The following TRAF3IP1 variants were observed in gnomAD, a reference collection of about 807,000 sequenced individuals.
TRAF3IP1 encodes the protein TRAF3-interacting protein 1.
Under a neutral mutation model 89.9 loss-of-function variants are expected in TRAF3IP1, and 53 were observed. The ratio of observed to expected loss-of-function variants is 0.59; its 90% CI spans 0.47 to 0.74. The LOEUF (loss-of-function observed/expected upper bound fraction) is 0.74, where lower values mean the gene tolerates loss of function less well. TRAF3IP1 is among the 30% of genes least tolerant of loss of function. TRAF3IP1 has a pLI of 0.00. For missense variants in TRAF3IP1, 806 were observed against 866.1 expected, an observed-to-expected ratio of 0.93 and a Z score of 0.87; for synonymous variants, 311 against 322.1, an observed-to-expected ratio of 0.97 and a Z score of 0.37.
intron 15 of TRAF3IP1, among the ~76,000 whole-genome samples, chr2:238,387,172 C>T (rs1700807351): frequency 4.6e-5 from 7 of 152,196 alleles, no homozygotes. Flanking sequence ...GTAGGAGCTA[C>T]CCCAGATCTG....
At chr2:238,366,658 T>C (rs1242117570) in intron 15 of TRAF3IP1, among the ~76,000 whole-genome samples, 1 of 152,158 alleles carries the variant, frequency 6.6e-6, no homozygotes, top group East Asian at 1.9e-4. Flanking sequence ...TTTTAGTCAG[T>C]TGTGGCCTGA....
At chr2:238,350,497 C>T (rs940145140) in intron 12 of TRAF3IP1, among the ~76,000 whole-genome samples, 2 of 151,980 alleles carry the variant, frequency 1.3e-5, no homozygotes, top group Admixed American at 6.6e-5. Flanking sequence ...TGGGTGAAGT[C>T]GCTGTGCACG....
Position 238,400,839 on chromosome 2 carries a change from C to G in TRAF3IP1, c.*1920C>G, listed in dbSNP as rs1553622586. On this transcript the variant is annotated 3_prime_UTR_variant, in exon 17 of 17. Transcript: ENST00000373327. The stretch of plus-strand genomic sequence containing the variant: ...TATGAAGTAGTCTGTCAAATTGTAT[C>G]ATAAAGTTTATTTTTCTTTTATACG... 1 of 152,140 alleles carries G rather than the reference C, an allele frequency of 6.6e-6. No individual in the cohort carries two copies. The highest frequency in any genetic ancestry group is 1.5e-5 in the Non-Finnish European group (1 of 68,014). The allele number at this position is 152,140 out of a possible 1,614,324, so 9.4% of individuals were successfully genotyped here.
At chr2:238,350,948 G>A (rs148164480) in intron 12 of TRAF3IP1, among the ~76,000 whole-genome samples, 1 of 152,258 alleles carries the variant, frequency 6.6e-6, no homozygotes, top group Non-Finnish European at 1.5e-5. Flanking sequence ...TGGGATTTAT[G>A]CCAGTGAGTG....
chr2:238,370,997 A>ATAGT (rs1700088141), intron 15 of TRAF3IP1, among the ~76,000 whole-genome samples: 1 of 152,212 alleles, frequency 6.6e-6, no homozygotes, highest in South Asian at 2.1e-4. Context: ...GGGAGCGGGC[A>ATAGT]TAGTTCTCTT....
chr2:238,332,856 A>G lies in TRAF3IP1; in HGVS notation c.948A>G (p.Leu316=), dbSNP rs2106369600. 1 of 1,613,252 alleles carries G rather than the reference A, an allele frequency of 6.2e-7. No homozygotes were observed. ...GCTCAGGGGAGATGTCTAAAAAGTT[A>G]TCAGATGGAACTTTTAAAGACTCCA... ...SASSGEMSKK[L]SDGTFKDSKA... is the part of the protein sequence containing the mutation. The change falls in exon 6 of 17, where the codon TTA becomes TTG. Residue 316 remains leucine, a synonymous_variant. Coordinates refer to ENST00000373327, the MANE Select transcript of TRAF3IP1 (RefSeq NM_015650.4).
At chr2:238,356,732 G>A (rs1699426919) in intron 15 of TRAF3IP1, among the ~76,000 whole-genome samples, 1 of 152,072 alleles carries the variant, frequency 6.6e-6, no homozygotes. Context: ...CAGACTGGGA[G>A]GCTGGCTGCC....
At position 238,345,643 on chromosome 2, in the gene TRAF3IP1, G is replaced by T. The variant is rs908897941; in HGVS notation, c.1261+1045G>T. ...AAGATTGTGCAGAGAAGAGAGAGAGGCCTGGACTGTGGAGGCGCCCTGGGA... is the reference window on the plus strand; with the variant it reads ...AAGATTGTGCAGAGAAGAGAGAGAGTCCTGGACTGTGGAGGCGCCCTGGGA... On this transcript the variant is annotated intron_variant, in intron 9 of 16. Coordinates refer to ENST00000373327, the MANE Select transcript of TRAF3IP1 (RefSeq NM_015650.4). This position sits in a 1 kb window ranked among gnomAD's most constrained non-coding sequence, Gnocchi z 4.7. Among the ~76,000 whole-genome samples, 1 of 151,358 alleles carries T rather than the reference G, an allele frequency of 6.6e-6. No homozygotes were observed. Among genetic ancestry groups the T allele is most frequent in the African/African-American group, 2.4e-5 (1 of 41,286 alleles).
At chr2:238,336,547 C>CT (rs1444961107) in intron 7 of TRAF3IP1, among the ~76,000 whole-genome samples, 2 of 152,090 alleles carry the variant, frequency 1.3e-5, no homozygotes, top group African/African-American at 4.8e-5. Context: ...TATTTAGACT[C>CT]TTAAAGTCAT....
chr2:238,359,827 A>T (rs914677661), intron 15 of TRAF3IP1, among the ~76,000 whole-genome samples: 1 of 152,168 alleles, frequency 6.6e-6, no homozygotes, highest in African/African-American at 2.4e-5. Flanking sequence ...TGTATATACC[A>T]TGTTTTTTCA....
Position 238,328,766 on chromosome 2 carries a change from A to T in TRAF3IP1, c.435A>T (p.Arg145Ser), listed in dbSNP as rs774290330. 6 of 1,614,068 alleles carry T rather than the reference A, an allele frequency of 3.7e-6. No homozygotes were observed. Among genetic ancestry groups the T allele is most frequent in the Admixed American group, 3.3e-5 (2 of 60,012 alleles). ...AAGGCCGGGCCTCACTGACCTCAAG[A>T]TCTCAGGAATTGGATAATAAGAATG... ...EVKGRASLTS[R>S]SQELDNKNVR... Residue 145 changes from arginine to serine, a missense_variant, in exon 4 of 17, where the codon AGA (arginine) becomes AGT (serine). By Grantham distance (110) the Arg-to-Ser change is moderately radical (BLOSUM62 -1). Coordinates refer to ENST00000373327, the MANE Select transcript of TRAF3IP1 (RefSeq NM_015650.4).
chr2:238,385,109 G>A (rs1553619535), intron 15 of TRAF3IP1, among the ~76,000 whole-genome samples: 1 of 151,686 alleles, frequency 6.6e-6, no homozygotes, highest in African/African-American at 2.4e-5. Flanking sequence ...TCCGCCTCCC[G>A]GGTTCATGCC....
Position 238,355,994 on chromosome 2 carries a change from T to A in TRAF3IP1, c.1613-10T>A, listed in dbSNP as rs772846942. The A allele has an allele frequency of 5.0e-5, 80 of 1,610,138 alleles. No individual in the cohort carries two copies. Among genetic ancestry groups the A allele is most frequent in the Non-Finnish European group, 5.1e-6 (6 of 1,176,946 alleles). On this transcript the variant is annotated splice_polypyrimidine_tract_variant and intron_variant, in intron 14 of 16. Transcript: ENST00000373327. ...AAACTTTTAACATAAAATCACTGAT[T>A]TTTCAACAGGTGGACTTGTGAAAAA...
At chr2:238,384,508 G>A (rs1425102521) in intron 15 of TRAF3IP1, among the ~76,000 whole-genome samples, 2 of 150,664 alleles carry the variant, frequency 1.3e-5, no homozygotes, top group African/African-American at 4.9e-5. Context: ...GAGTAGCTGG[G>A]ATTACAGATG....
chr2:238,382,638 T>TG (rs1465468685), intron 15 of TRAF3IP1, among the ~76,000 whole-genome samples: 1 of 152,080 alleles, frequency 6.6e-6, no homozygotes, highest in Non-Finnish European at 1.5e-5. Context: ...ACCCCATAGA[T>TG]GTCTGAGGCT....
At chr2:238,376,621 A>G (rs1483818391) in intron 15 of TRAF3IP1, among the ~76,000 whole-genome samples, 2 of 152,120 alleles carry the variant, frequency 1.3e-5, no homozygotes, top group African/African-American at 2.4e-5. Flanking sequence ...CTTTTAGTGA[A>G]TGTTTATAAT....
Position 238,325,469 on chromosome 2 carries a change from G to A in TRAF3IP1, c.192+95G>A, listed in dbSNP as rs1322719048. The A allele has an allele frequency of 5.5e-6, 7 of 1,267,852 alleles. No individual in the cohort carries two copies. The East Asian group carries it at 1.4e-4, about 25-fold the overall frequency. 78.5% of individuals were successfully genotyped at this position (1,267,852 alleles called of 1,614,324 possible). On this transcript the variant is annotated intron_variant, in intron 2 of 16. Coordinates refer to ENST00000373327, the MANE Select transcript of TRAF3IP1 (RefSeq NM_015650.4). ...GTGTGGCTTGTGTCATTTCTCTGCT[G>A]CATGTGGTTGGAATACAAGGTCAGT...
At position 238,329,290 on chromosome 2, in the gene TRAF3IP1, C is replaced by G; in HGVS notation, c.863C>G (p.Ser288Cys). 6.8e-7 allele frequency: 1 copy of G among 1,474,546 alleles called. No individual in the cohort carries two copies. The highest frequency in any genetic ancestry group is 9.0e-7 in the Non-Finnish European group (1 of 1,112,320). The allele number at this position is 1,474,546 out of a possible 1,614,324, so 91.3% of individuals were successfully genotyped here. A position where few individuals can be genotyped will look rare whatever the true frequency, so the allele number is the denominator to read the frequency against. The stretch of plus-strand genomic sequence containing the variant: ...CGGAGAGTGAAAAACGGGGAGCACT[C>G]CTGGGACCTGGACAGGGAGAAGAAC... ...DRRRVKNGEH[S>C]WDLDREKNRE... The change falls in exon 5 of 17, where the codon TCC (serine) becomes TGC (cysteine). Residue 288 changes from serine to cysteine, a missense_variant. Physicochemically the swap from Ser to Cys is moderately radical, Grantham distance 112 (BLOSUM62 -1). Coordinates refer to ENST00000373327, the MANE Select transcript of TRAF3IP1 (RefSeq NM_015650.4).
At chr2:238,369,152 G>A (rs780137045) in intron 15 of TRAF3IP1, among the ~76,000 whole-genome samples, 1 of 152,072 alleles carries the variant, frequency 6.6e-6, no homozygotes. Flanking sequence ...TACAAGTAGA[G>A]TTCATTTACA....
Sources: allele counts gnomAD v4.1 joint callset (sites outside exome capture counted in the v4.1 genomes callset), GRCh38; gene constraint gnomAD v4.1.1; non-coding constraint Gnocchi (gnomAD v3.1); transcripts MANE v1.5; gene names NCBI Gene and HGNC (gene_info 2026-07-23, HGNC 2026-07-21).